DLG2: variants seen among roughly 807,000 people sequenced by gnomAD.
DLG2 encodes the protein disks large homolog 2.
In DLG2, 45 loss-of-function variants were observed where a neutral mutation model predicts 132.5. The ratio of observed to expected loss-of-function variants is 0.34; its 90% CI spans 0.27 to 0.44. The LOEUF is 0.44. Ranked by LOEUF, DLG2 falls within the 20% of genes least tolerant of loss-of-function variation. The pLI, the probability that DLG2 is intolerant of heterozygous loss-of-function variation, is 1.00. For missense variants in DLG2, 1,045 were observed against 1,196.9 expected, an observed-to-expected ratio of 0.87 and a Z score of 1.87; for synonymous variants, 424 against 419.6, an observed-to-expected ratio of 1.01 and a Z score of -0.13.
intron 6 of DLG2, among the ~76,000 whole-genome samples, chr11:84,577,611 A>T (rs1188950378): frequency 6.6e-6 from 1 of 152,200 alleles, no homozygotes; most frequent in African/African-American, 2.4e-5. Context: ...TGACGGAAAA[A>T]AATTTTAAGC....
rs1364752325 is a variant in DLG2 at position 83,819,172 on chromosome 11, A to G, written c.1722+14442T>C. On this transcript the variant is annotated intron_variant, in intron 17 of 27. Coordinates refer to ENST00000376104, the MANE Select transcript of DLG2 (RefSeq NM_001142699.3). ...AGCATGGAGGCAGACCCTCCGCCAA[A>G]TGAAAGAAAAATGTAGGCCAGGTGT... is the stretch of plus-strand genomic sequence containing the variant. 2.0e-5 allele frequency among the ~76,000 whole-genome samples: 3 copies of G among 152,088 alleles called. No homozygotes were observed. In the East Asian group the frequency reaches 5.8e-4, roughly 29 times the overall value.
At chr11:83,860,505 A>G (rs1214726930) in intron 16 of DLG2, among the ~76,000 whole-genome samples, 2 of 152,126 alleles carry the variant, frequency 1.3e-5, no homozygotes, top group African/African-American at 2.4e-5. Flanking sequence ...AATTTCTCCC[A>G]TTGAGAATGG....
Position 83,930,317 on chromosome 11 carries a change from G to C in DLG2, c.1496+11C>G, listed in dbSNP as rs190541287. 10 of 1,612,658 alleles carry C rather than the reference G, an allele frequency of 6.2e-6. 1 individual carries two copies. The South Asian group carries it at 8.8e-5, about 14-fold the overall frequency. ...GTTCGAGAAGATGAAGTGAGGAAGC[G>C]CATGCAGTACCTGGTCATCTCAGAG... On this transcript the variant is annotated intron_variant, in intron 15 of 27. Transcript: ENST00000376104.
chr11:83,830,126 GA>G (rs1258663183), intron 17 of DLG2, among the ~76,000 whole-genome samples: 1 of 152,128 alleles, frequency 6.6e-6, no homozygotes, highest in Non-Finnish European at 1.5e-5. Context: ...TTTCTCAACT[GA>G]AAAAAGCAGA....
chr11:84,002,921 T>C (rs924049341), intron 11 of DLG2, among the ~76,000 whole-genome samples: 5 of 152,176 alleles, frequency 3.3e-5, no homozygotes, highest in African/African-American at 4.8e-5. Flanking sequence ...CTGTTTCCCT[T>C]ATAAACTTAA....
intron 19 of DLG2, among the ~76,000 whole-genome samples, chr11:83,581,436 T>C (rs1442309244): frequency 6.6e-6 from 1 of 152,192 alleles, no homozygotes; most frequent in Non-Finnish European, 1.5e-5. Context: ...CTCTGTTTTA[T>C]GTTAAAGAAT....
At chr11:83,526,141 A>T (rs1157264487) in intron 21 of DLG2, among the ~76,000 whole-genome samples, 1 of 152,164 alleles carries the variant, frequency 6.6e-6, no homozygotes, top group Admixed American at 6.6e-5. Context: ...CTCATAATCA[A>T]CATCTGCTCT....
At chr11:84,406,478 G>A (rs1483769457) in intron 7 of DLG2, among the ~76,000 whole-genome samples, 5 of 152,016 alleles carry the variant, frequency 3.3e-5, no homozygotes, top group South Asian at 2.1e-4. Context: ...ACCACCATAC[G>A]ATGTTAATTT....
chr11:83,538,012 T>G (rs2095941221), intron 20 of DLG2, among the ~76,000 whole-genome samples: 2 of 152,064 alleles, frequency 1.3e-5, no homozygotes, highest in African/African-American at 4.8e-5. Flanking sequence ...CCTCTTAGGA[T>G]TTCAGATTTT....
rs150099905 is a variant in DLG2, at chr11:85,125,785, C to T, written c.283-14050G>A. On this transcript the variant is annotated intron_variant, in intron 5 of 27. Transcript: ENST00000376104. The stretch of plus-strand genomic sequence containing the variant: ...AACGTGTTTTTATTAAATTCAAGTA[C>T]CTTCAATGTCCCAGACATTATACAC... Among the ~76,000 whole-genome samples the T allele has an allele frequency of 4.0e-3, 590 of 148,892 alleles. 7 individuals are homozygous for T. Among genetic ancestry groups the T allele is most frequent in the African/African-American group, 0.013 (513 of 39,882 alleles).
chr11:83,999,129 C>T (rs2094200460), intron 11 of DLG2, among the ~76,000 whole-genome samples: 2 of 152,154 alleles, frequency 1.3e-5, no homozygotes, highest in Admixed American at 1.3e-4. Context: ...GCCTGGGAAT[C>T]ATGACACCTC....
At chr11:85,268,943 G>T (rs6592236) in intron 4 of DLG2, among the ~76,000 whole-genome samples, 14,202 of 152,176 alleles carry the variant, frequency 0.093, 881 homozygotes, top group African/African-American at 0.17. Flanking sequence ...AGTATATGCT[G>T]CTATTTCATG....
At chr11:85,403,826 G>A (rs180696116) in intron 3 of DLG2, among the ~76,000 whole-genome samples, 26 of 152,146 alleles carry the variant, frequency 1.7e-4, no homozygotes, top group Middle Eastern at 6.8e-3. Context: ...GTGGTAAGCT[G>A]TTGTAATATA....
intron 3 of DLG2, among the ~76,000 whole-genome samples, chr11:85,439,227 G>A (rs2091648438): frequency 6.6e-6 from 1 of 152,078 alleles, no homozygotes; most frequent in Non-Finnish European, 1.5e-5. Flanking sequence ...CACAGCGGCT[G>A]TGCTATTTTA....
At chr11:85,502,773 A>T (rs1159472807) in intron 3 of DLG2, among the ~76,000 whole-genome samples, 1 of 152,142 alleles carries the variant, frequency 6.6e-6, no homozygotes, top group Non-Finnish European at 1.5e-5. Flanking sequence ...CCTATGTAAC[A>T]AACCCGCACA....
chr11:84,269,204 C>G (rs966807759), intron 7 of DLG2, among the ~76,000 whole-genome samples: 1 of 152,206 alleles, frequency 6.6e-6, no homozygotes, highest in East Asian at 1.9e-4. Context: ...CTGTCCCCAC[C>G]ACTAGAAGGT....
intron 6 of DLG2, among the ~76,000 whole-genome samples, chr11:84,592,920 A>AC (rs1339419878): frequency 8.1e-6 from 1 of 123,590 alleles, no homozygotes; most frequent in Non-Finnish European, 1.6e-5. Flanking sequence ...ACACGGTGAA[A>AC]CCCTGTCTCT....
intron 3 of DLG2, among the ~76,000 whole-genome samples, chr11:85,469,060 A>C (rs1168384591): frequency 6.6e-6 from 1 of 152,192 alleles, no homozygotes; most frequent in African/African-American, 2.4e-5. Flanking sequence ...TACCTCAATA[A>C]ATGGAACCTA....
intron 4 of DLG2, among the ~76,000 whole-genome samples, chr11:85,233,467 T>A (rs1248782531): frequency 6.6e-6 from 1 of 151,892 alleles, no homozygotes; most frequent in Non-Finnish European, 1.5e-5. Flanking sequence ...CCATCAGCCA[T>A]TTATAGCAGC....
Sources: gnomAD v4.1 joint callset for allele counts (sites outside exome capture counted in the v4.1 genomes callset) on GRCh38, gnomAD v4.1.1 for gene constraint, MANE v1.5 for transcripts, NCBI Gene and HGNC (gene_info 2026-07-23, HGNC 2026-07-21) for gene names.